Variants in CNTNAP3 observed in about 807,000 individuals in gnomAD.
CNTNAP3 encodes contactin associated protein family member 3.
A neutral mutation model predicts 92.1 loss-of-function variants in CNTNAP3; 36 were observed. The ratio of observed to expected loss-of-function variants is 0.39; its 90% CI spans 0.30 to 0.52. CNTNAP3 has a LOEUF of 0.52. Ranked by LOEUF, CNTNAP3 falls within the 20% of genes least tolerant of loss-of-function variation. The probability of loss-of-function intolerance (pLI) is 0.76; values close to 1 mark genes in which losing one functional copy is unlikely to be tolerated. For synonymous variants in CNTNAP3, 232 were observed against 422.3 expected, an observed-to-expected ratio of 0.55 and a Z score of 5.53; for missense variants, 534 against 1,069.6, an observed-to-expected ratio of 0.50 and a Z score of 6.98.
intron 13 of CNTNAP3, among the ~76,000 whole-genome samples, chr9:39,119,794 G>A (rs1820962833): frequency 6.6e-6 from 1 of 152,080 alleles, no homozygotes; most frequent in Admixed American, 6.5e-5. Flanking sequence ...GGAAGCTTAG[G>A]ACCCCAGGAC....
chr9:39,087,705 C>A (rs1315591828), intron 19 of CNTNAP3, among the ~76,000 whole-genome samples: 2 of 152,112 alleles, frequency 1.3e-5, no homozygotes, highest in Non-Finnish European at 2.9e-5. Flanking sequence ...CCAGGATGGT[C>A]TCGATTTCCT....
rs1231144769 is a variant in CNTNAP3, at chr9:39,068,758, T to C, written c.*5132A>G. Among the ~76,000 whole-genome samples the C allele has an allele frequency of 8.5e-5, 13 of 152,288 alleles. No homozygotes were observed. Among genetic ancestry groups the C allele is most frequent in the African/African-American group, 2.7e-4 (11 of 41,468 alleles). ...ACTTGCTAGGCTTCCTTAAGCTATC[T>C]ATCTCCATTGTCACTGCTGTCTCAA... On this transcript the variant is annotated 3_prime_UTR_variant, in exon 24 of 24. Transcript: ENST00000297668.
chr9:39,126,666 G>A (rs543765507), intron 13 of CNTNAP3, among the ~76,000 whole-genome samples: 2,340 of 151,970 alleles, frequency 0.015, 53 homozygotes, highest in African/African-American at 0.052. Flanking sequence ...AGATCAACAA[G>A]CTAAAGAATA....
At chr9:39,091,168 C>CTTTTTTTTTTTTTTTTTTTT (rs1319060417) in intron 18 of CNTNAP3, among the ~76,000 whole-genome samples, 1 of 117,972 alleles carries the variant, frequency 8.5e-6, no homozygotes, top group Non-Finnish European at 1.8e-5. Flanking sequence ...TGTTTTTCTT[C>CTTTTTTTTTTTTTTTTTTTT]TTCTTTTTTT....
chr9:39,142,391 G>T (rs568581392), intron 11 of CNTNAP3, among the ~76,000 whole-genome samples: 1 of 152,094 alleles, frequency 6.6e-6, no homozygotes, highest in African/African-American at 2.4e-5. Flanking sequence ...GTGTCACAGC[G>T]GCTGGGCATG....
chr9:39,139,773 T>C (rs1205758287), intron 12 of CNTNAP3: 2 of 150,458 alleles, frequency 1.3e-5, no homozygotes, highest in Non-Finnish European at 3.0e-5. Context: ...TGAGATGCAG[T>C]CTTGCTCTGT....
rs1244500466 is a variant in CNTNAP3, at chr9:39,104,522, T to A, written c.2366-608A>T. 1.5e-3 allele frequency among the ~76,000 whole-genome samples: 140 copies of A among 90,436 alleles called. 1 individual carries two copies. In the East Asian group the frequency reaches 0.035, roughly 23 times the overall value. 59.3% of individuals were successfully genotyped at this position (90,436 alleles called of 152,430 possible). On this transcript the variant is annotated intron_variant, in intron 15 of 23. Transcript: ENST00000297668. Reference sequence around the variant, plus strand: ...CACACACACACACACACACACACACTGTCTTAATTCCTTTCATGGCAAGAA... The same window carrying A: ...CACACACACACACACACACACACACAGTCTTAATTCCTTTCATGGCAAGAA...
intron 13 of CNTNAP3, among the ~76,000 whole-genome samples, chr9:39,120,587 G>A (rs1440231086): frequency 1.3e-5 from 2 of 152,130 alleles, no homozygotes; most frequent in South Asian, 2.1e-4. Context: ...GGAGAATGGC[G>A]TGAACCCGGG....
At chr9:39,132,360 A>G (rs544780718) in intron 13 of CNTNAP3, among the ~76,000 whole-genome samples, 23 of 152,262 alleles carry the variant, frequency 1.5e-4, no homozygotes, top group Non-Finnish European at 2.9e-4. Context: ...CATTACTTCC[A>G]TATATGAAGA....
intron 14 of CNTNAP3, among the ~76,000 whole-genome samples, chr9:39,115,549 T>A (rs1024287509): frequency 7.9e-6 from 1 of 126,654 alleles, no homozygotes; most frequent in Non-Finnish European, 1.5e-5. Flanking sequence ...GATTTCAGAA[T>A]GCTTGTGGTC....
rs1198106886 is a variant in CNTNAP3, at chr9:39,068,243, C to CAAAAAAAAAAAAAAAAA, written c.*5630_*5646dup. Among the ~76,000 whole-genome samples, 78 of 129,324 alleles carry CAAAAAAAAAAAAAAAAA rather than the reference C, an allele frequency of 6.0e-4. No individual in the cohort carries two copies. The highest frequency in any genetic ancestry group is 4.3e-3 in the Middle Eastern group (1 of 232). 84.8% of individuals were successfully genotyped at this position (129,324 alleles called of 152,430 possible). ...TGAAACCTTGCCTCCACTAAAAATA[C>CAAAAAAAAAAAAAAAAA]AAAAAAAAAAAAAAAAAAAAAAATT... On this transcript the variant is annotated 3_prime_UTR_variant, in exon 24 of 24. Coordinates refer to ENST00000297668, the MANE Select transcript of CNTNAP3 (RefSeq NM_033655.5).
Position 39,132,802 on chromosome 9 carries a change from A to T in CNTNAP3, c.2080+130T>A, listed in dbSNP as rs984401832. Reference sequence around the variant, plus strand: ...CAACCAAGAGCGGGAAGAGAAGGAGAGAGTGGTCAGGGCTTTGAACTAAGA... The same window carrying T: ...CAACCAAGAGCGGGAAGAGAAGGAGTGAGTGGTCAGGGCTTTGAACTAAGA... On this transcript the variant is annotated intron_variant, in intron 13 of 23. Coordinates refer to ENST00000297668, the MANE Select transcript of CNTNAP3 (RefSeq NM_033655.5). The T allele has an allele frequency of 5.6e-6, 6 of 1,068,440 alleles. No individual in the cohort carries two copies. The African/African-American group carries it at 6.8e-5, about 12-fold the overall frequency. 66.2% of individuals were successfully genotyped at this position (1,068,440 alleles called of 1,614,324 possible). A position where few individuals can be genotyped will look rare whatever the true frequency, so the allele number is the denominator to read the frequency against.
Position 39,100,106 on chromosome 9 carries a change from A to C in CNTNAP3, c.2800T>G (p.Ser934Ala), listed in dbSNP as rs762357166. ...RQRGFLGCIR[S>A]LQLNGVALDL... Reference sequence around the variant, plus strand: ...AGGGCCACCCCGTTCAACTGCAGAGACCGAATGCATCCTAGAAAGCCTCTC... The same window carrying C: ...AGGGCCACCCCGTTCAACTGCAGAGCCCGAATGCATCCTAGAAAGCCTCTC... Residue 934 changes from serine (S) to alanine (A), a missense_variant, in exon 18 of 24, where the codon TCT becomes GCT. By Grantham distance (99) the Ser-to-Ala change is moderately conservative. Transcript: ENST00000297668. 5.0e-6 allele frequency: 8 copies of C among 1,586,866 alleles called. No homozygotes were observed. The highest frequency in any genetic ancestry group is 6.9e-6 in the Non-Finnish European group (8 of 1,164,072).
At position 39,103,732 on chromosome 9, in the gene CNTNAP3, T is replaced by C. The variant is rs192525454; in HGVS notation, c.2536+12A>G. On this transcript the variant is annotated intron_variant, in intron 16 of 23. Coordinates refer to ENST00000297668, the MANE Select transcript of CNTNAP3 (RefSeq NM_033655.5). Reference sequence around the variant, plus strand: ...TGGGTACCCTGTGACTTGTCCAGAGTGGCGAGCTTACCACGCAGCTCAATC... The same window carrying C: ...TGGGTACCCTGTGACTTGTCCAGAGCGGCGAGCTTACCACGCAGCTCAATC... The C allele has an allele frequency of 5.6e-6, 9 of 1,609,280 alleles. No homozygotes were observed. Among genetic ancestry groups the C allele is most frequent in the Non-Finnish European group, 7.6e-6 (9 of 1,179,294 alleles).
Position 39,149,353 on chromosome 9 carries a change from T to G in CNTNAP3, c.1649+453A>C, listed in dbSNP as rs1563892828. The stretch of plus-strand genomic sequence containing the variant: ...TTCCATTAGAGATGCAGTTTTTGTT[T>G]TTGTTTTTTTTTTTGAGACGCAGTC... On this transcript the variant is annotated intron_variant, in intron 10 of 23. Coordinates refer to ENST00000297668, the MANE Select transcript of CNTNAP3 (RefSeq NM_033655.5). Among the ~76,000 whole-genome samples the G allele has an allele frequency of 7.0e-4, 107 of 151,812 alleles. 1 individual carries two copies. The East Asian group carries it at 7.6e-3, about 11-fold the overall frequency.
rs1380723930 is a variant in CNTNAP3 at position 39,086,709 on chromosome 9, G to A, written c.3354+7C>T. On this transcript the variant is annotated splice_region_variant and intron_variant, in intron 20 of 23. Coordinates refer to ENST00000297668, the MANE Select transcript of CNTNAP3 (RefSeq NM_033655.5). ...AGTTAGTTTGACTTTTGCATTTGTG[G>A]GATTACCTCTACCATGACCACAGCT... The A allele has an allele frequency of 3.7e-6, 6 of 1,608,718 alleles. No homozygotes were observed. Among genetic ancestry groups the A allele is most frequent in the Non-Finnish European group, 5.1e-6 (6 of 1,178,836 alleles).
At chr9:39,157,574 T>C (rs142854977) in intron 9 of CNTNAP3, among the ~76,000 whole-genome samples, 1,870 of 90,992 alleles carry the variant, frequency 0.021, 162 homozygotes, top group East Asian at 0.13. Flanking sequence ...TCTCAATCTC[T>C]TGACCTTGTG....
At chr9:39,108,526 G>A (rs976225882) in intron 15 of CNTNAP3, among the ~76,000 whole-genome samples, 7 of 152,136 alleles carry the variant, frequency 4.6e-5, no homozygotes, top group African/African-American at 1.7e-4. Context: ...CTTCTCCACG[G>A]CAATGTATGA....
chr9:39,085,654 A>T (rs1826047387), intron 21 of CNTNAP3, 82 bp downstream of exon 21: 1 of 1,081,556 alleles, frequency 9.2e-7, no homozygotes, highest in African/African-American at 1.7e-5. Context: ...AAGTAAGACA[A>T]GGAGCTTCTT....
Sources: gnomAD v4.1 joint callset for allele counts (sites outside exome capture counted in the v4.1 genomes callset) on GRCh38, gnomAD v4.1.1 for gene constraint, MANE v1.5 for transcripts, NCBI Gene and HGNC (gene_info 2026-07-23, HGNC 2026-07-21) for gene names.